Variants in NBAS observed in about 807,000 individuals in gnomAD.
The protein encoded by NBAS is NAG/BC035112 fusion.
In NBAS, 219 loss-of-function variants were observed where a neutral mutation model predicts 302.5. That is an observed-to-expected ratio of 0.72 (90% CI 0.65 to 0.81). The LOEUF (loss-of-function observed/expected upper bound fraction) is 0.81. Among genes scored for constraint, NBAS ranks in the 30% least tolerant of loss-of-function variants. NBAS has a pLI of 0.00. For missense variants in NBAS, 2,932 were observed against 2,841.6 expected (o/e 1.03, Z -0.72); for synonymous variants, 1,118 against 1,021.6 (o/e 1.09, Z -1.80).
At chr2:14,932,077 T>C in the NBAS span, among the ~76,000 whole-genome samples, 4 of 152,236 alleles carry the variant, frequency 2.6e-5, no homozygotes, top group African/African-American at 7.2e-5. Context: ...TGCAGAAGAC[T>C]GGCAGAGTGA....
intron 9 of NBAS, among the ~76,000 whole-genome samples, chr2:15,516,041 G>C (rs964914141): frequency 3.9e-5 from 6 of 152,138 alleles, no homozygotes; most frequent in African/African-American, 1.4e-4. Flanking sequence ...TGTTTAAAAC[G>C]GACAAAACAA....
the NBAS span, among the ~76,000 whole-genome samples, chr2:14,877,033 ATCCTCACCACG>A: frequency 1.3e-5 from 2 of 152,192 alleles, no homozygotes; most frequent in Non-Finnish European, 2.9e-5. Context: ...AACCAGCACA[ATCCTCACCACG>A]TTCTTAACTC....
intron 28 of NBAS, among the ~76,000 whole-genome samples, chr2:15,390,865 A>G (rs1265897771): frequency 6.6e-6 from 1 of 152,222 alleles, no homozygotes; most frequent in Non-Finnish European, 1.5e-5. Context: ...CTGTAATCCC[A>G]GCACTTTGGA....
At chr2:14,890,853 AC>A in the NBAS span, 50 of 136,312 alleles carry the variant, frequency 3.7e-4, no homozygotes, top group Non-Finnish European at 4.6e-4. Flanking sequence ...ACAAACAACA[AC>A]AAAAAAAAAC....
At chr2:15,097,960 A>G in the NBAS span, among the ~76,000 whole-genome samples, 2 of 107,878 alleles carry the variant, frequency 1.9e-5, no homozygotes, top group Non-Finnish European at 3.5e-5. Context: ...TATATAATAT[A>G]TATATTATAT....
intron 40 of NBAS, 151 bp downstream of exon 40, chr2:15,308,065 C>T (rs984280617): frequency 4.4e-6 from 5 of 1,136,430 alleles, no homozygotes; most frequent in Non-Finnish European, 3.8e-6. Context: ...GCAACTTTGT[C>T]GAATACAGGA....
At chr2:15,155,953 G>GT in the NBAS span, among the ~76,000 whole-genome samples, 1 of 152,182 alleles carries the variant, frequency 6.6e-6, no homozygotes. Flanking sequence ...CAATGGAAAG[G>GT]TAAGTATTTC....
chr2:15,510,757 T>C (rs899931292), intron 10 of NBAS, among the ~76,000 whole-genome samples: 3 of 152,148 alleles, frequency 2.0e-5, no homozygotes, highest in African/African-American at 7.2e-5. Flanking sequence ...ATTCTGCCAT[T>C]TGCTAGCTGG....
At chr2:15,332,984 C>G (rs1672421269) in intron 35 of NBAS, among the ~76,000 whole-genome samples, 1 of 152,194 alleles carries the variant, frequency 6.6e-6, no homozygotes, top group South Asian at 2.1e-4. Context: ...GAGTAAGACA[C>G]AGGCTCTGCC....
intron 35 of NBAS, among the ~76,000 whole-genome samples, chr2:15,335,263 C>T (rs1284110697): frequency 6.7e-6 from 1 of 148,804 alleles, no homozygotes; most frequent in East Asian, 2.0e-4. Context: ...TTTATATTTT[C>T]TTCTATTAAT....
chr2:15,433,108 C>A (rs1267394762), intron 21 of NBAS, among the ~76,000 whole-genome samples: 1 of 152,190 alleles, frequency 6.6e-6, no homozygotes, highest in Non-Finnish European at 1.5e-5. Context: ...TGCCGCAATA[C>A]TGCCTGCTCA....
At chr2:15,115,809 A>G in the NBAS span, among the ~76,000 whole-genome samples, 1 of 152,110 alleles carries the variant, frequency 6.6e-6, no homozygotes, top group Admixed American at 6.6e-5. Flanking sequence ...ACCATGCCCA[A>G]TCATAGTAAT....
chr2:15,461,588 G>C, intron 20 of NBAS, 99 bp downstream of exon 20: 1 of 809,904 alleles, frequency 1.2e-6, no homozygotes, highest in Non-Finnish European at 2.0e-6. Context: ...AAACAAAAAA[G>C]AAAATGTAAT....
At position 15,553,457 on chromosome 2, in the gene NBAS, C is replaced by G; in HGVS notation, c.304G>C (p.Ala102Pro). ...LVLASNGKLL[A>P]AVQDQCVEIR... The stretch of plus-strand genomic sequence containing the variant: ...TCCACACACTGATCTTGAACAGCAG[C>G]CAAAAGCTTTCCATTGCTTTTATGG... Residue 102 changes from alanine (A) to proline (P), a missense_variant, in exon 5 of 52, where the codon GCT becomes CCT. By Grantham distance (27) the Ala-to-Pro change is conservative. Coordinates refer to ENST00000281513, the MANE Select transcript of NBAS (RefSeq NM_015909.4). The G allele has an allele frequency of 6.2e-7, 1 of 1,611,512 alleles. No homozygotes were observed. Among genetic ancestry groups the G allele is most frequent in the Non-Finnish European group, 8.5e-7 (1 of 1,177,828 alleles).
At chr2:15,343,848 ATAT>A (rs1672965874) in intron 35 of NBAS, among the ~76,000 whole-genome samples, 1 of 151,936 alleles carries the variant, frequency 6.6e-6, no homozygotes, top group African/African-American at 2.4e-5. Flanking sequence ...ATAAAAGAAA[ATAT>A]TAATAAACAA....
chr2:15,454,910 T>G (rs1679179573), intron 21 of NBAS, among the ~76,000 whole-genome samples: 1 of 77,204 alleles, frequency 1.3e-5, no homozygotes, highest in South Asian at 3.7e-4. Context: ...TATACTGCAA[T>G]TTTTTTTTTT....
chr2:15,086,513 T>G, the NBAS span, among the ~76,000 whole-genome samples: 1 of 152,208 alleles, frequency 6.6e-6, no homozygotes, highest in African/African-American at 2.4e-5. Context: ...CTTGCCATAT[T>G]GCAGACAGAG....
intron 48 of NBAS, among the ~76,000 whole-genome samples, chr2:15,195,998 T>A (rs1373946937): frequency 6.6e-6 from 1 of 152,134 alleles, no homozygotes; most frequent in East Asian, 1.9e-4. Flanking sequence ...AATGTGTAAA[T>A]CCCCAAGTCA....
At chr2:15,456,759 TTACTA>T (rs1454848944) in intron 21 of NBAS, among the ~76,000 whole-genome samples, 5 of 152,068 alleles carry the variant, frequency 3.3e-5, no homozygotes, top group Non-Finnish European at 7.3e-5. Flanking sequence ...ATTAATTAGA[TTACTA>T]TATAATAAAT....
Sources: gnomAD v4.1 joint callset for allele counts (sites outside exome capture counted in the v4.1 genomes callset) on GRCh38, gnomAD v4.1.1 for gene constraint, MANE v1.5 for transcripts, NCBI Gene and HGNC (gene_info 2026-07-23, HGNC 2026-07-21) for gene names.